SLC4A4: variants seen among roughly 807,000 people sequenced by gnomAD.
The protein encoded by SLC4A4 is solute carrier family 4 member 4.
Under a neutral mutation model 111.5 loss-of-function variants are expected in SLC4A4, and 27 were observed. That is an observed-to-expected ratio of 0.24 (90% CI 0.18 to 0.33). The LOEUF (loss-of-function observed/expected upper bound fraction) is 0.33, where lower values mean the gene tolerates loss of function less well. SLC4A4 is among the 10% of genes least tolerant of loss of function. SLC4A4 has a pLI of 1.00. For synonymous variants in SLC4A4, 443 were observed against 463.4 expected (o/e 0.96, Z 0.57); for missense variants, 909 against 1,315.5 (o/e 0.69, Z 4.78).
intron 1 of SLC4A4, among the ~76,000 whole-genome samples, chr4:71,234,978 G>A (rs1216265144): frequency 6.9e-6 from 1 of 144,216 alleles, no homozygotes; most frequent in Non-Finnish European, 1.6e-5. Flanking sequence ...GAAGCAGAAA[G>A]GAAGGAAATT....
chr4:71,074,021 A>C (rs2148931392), intron 1 of SLC4A4, among the ~76,000 whole-genome samples: 1 of 152,168 alleles, frequency 6.6e-6, no homozygotes. Context: ...GGAGAGCCAG[A>C]TGCTGTCTCA....
chr4:71,185,040 T>C (rs542074681), upstream of SLC4A4, among the ~76,000 whole-genome samples: 1 of 152,304 alleles, frequency 6.6e-6, no homozygotes, highest in East Asian at 1.9e-4. Context: ...ACCAACTTTA[T>C]GCTCCTTTTA....
chr4:71,536,950 G>T (rs559202407), intron 18 of SLC4A4, among the ~76,000 whole-genome samples: 1 of 151,276 alleles, frequency 6.6e-6, no homozygotes, highest in African/African-American at 2.4e-5. Context: ...ATGTATATAT[G>T]TGTGTATATA....
intron 1 of SLC4A4, chr4:71,233,254 T>G (rs1358251413): frequency 1.0e-6 from 1 of 984,846 alleles, no homozygotes; most frequent in African/African-American, 1.7e-5. Flanking sequence ...AATGAATGAA[T>G]GCAGGAAAGA....
intron 14 of SLC4A4, among the ~76,000 whole-genome samples, chr4:71,484,640 T>A (rs79550337): frequency 0.012 from 1,800 of 151,864 alleles, 40 homozygotes; most frequent in African/African-American, 0.039. Context: ...ATTTGGGCTC[T>A]TTTTTGTTTC....
intron 2 of SLC4A4, among the ~76,000 whole-genome samples, chr4:71,122,373 C>T (rs181925082): frequency 1.5e-4 from 23 of 150,746 alleles, no homozygotes; most frequent in Admixed American, 3.3e-4. Flanking sequence ...AGTGAGAGGG[C>T]GATCTTAAAA....
In SLC4A4 at chr4:71,450,619, G is replaced by A; in HGVS notation, c.1208+76G>A. On this transcript the variant is annotated intron_variant, in intron 10 of 25. Coordinates refer to ENST00000264485, the MANE Select transcript of SLC4A4 (RefSeq NM_001098484.3). The stretch of plus-strand genomic sequence containing the variant: ...GGAGGTTGTGTTAAAAAAAAAAAGT[G>A]AAGTCAACCTGTTGTTCTAATATTT... The A allele has an allele frequency of 6.8e-6, 9 of 1,315,802 alleles. No individual in the cohort carries two copies. In the South Asian group the frequency reaches 1.1e-4, roughly 17 times the overall value. 81.5% of individuals were successfully genotyped at this position (1,315,802 alleles called of 1,614,324 possible).
intron 2 of SLC4A4, among the ~76,000 whole-genome samples, chr4:71,181,033 C>T (rs182536261): frequency 2.3e-4 from 35 of 151,990 alleles, no homozygotes; most frequent in African/African-American, 8.0e-4. Context: ...TACTATGCAG[C>T]CATAAAAAAT....
At chr4:71,290,996 G>A (rs1372516408) in intron 3 of SLC4A4, among the ~76,000 whole-genome samples, 4 of 152,182 alleles carry the variant, frequency 2.6e-5, no homozygotes, top group Non-Finnish European at 4.4e-5. Context: ...CAATTTACAT[G>A]GAAGTGGAGG....
chr4:71,216,978 A>G (rs1220243388), intron 1 of SLC4A4, among the ~76,000 whole-genome samples: 1 of 152,142 alleles, frequency 6.6e-6, no homozygotes, highest in Non-Finnish European at 1.5e-5. Context: ...CATTTTTCAG[A>G]TGAGAAAATG....
intron 2 of SLC4A4, among the ~76,000 whole-genome samples, chr4:71,137,753 A>T (rs1743883492): frequency 6.6e-6 from 1 of 152,246 alleles, no homozygotes; most frequent in African/African-American, 2.4e-5. Flanking sequence ...GTGGAGCTGA[A>T]TAAAGCAGCT....
intron 16 of SLC4A4, 138 bp from the exon 17 acceptor site, chr4:71,531,923 TC>T (rs2149210157): frequency 1.5e-6 from 1 of 675,712 alleles, no homozygotes; most frequent in South Asian, 1.6e-5. Context: ...TTTTCTGCAC[TC>T]TGATACCTCC....
chr4:71,248,744 CCAGT>C (rs1420760359), intron 2 of SLC4A4, among the ~76,000 whole-genome samples: 1 of 152,116 alleles, frequency 6.6e-6, no homozygotes, highest in Non-Finnish European at 1.5e-5. Flanking sequence ...TTATAGAGTG[CCAGT>C]CAGTTTTTGC....
Position 71,274,442 on chromosome 4 carries a change from G to T in SLC4A4, c.253+19043G>T, listed in dbSNP as rs1028317313. ...TTCCCATTAAAAATGGTATAAACTA[G>T]GTACTGAGTTCATTCAGATAGAATT... On this transcript the variant is annotated intron_variant, in intron 3 of 25. Transcript: ENST00000264485. 3.3e-5 allele frequency among the ~76,000 whole-genome samples: 5 copies of T among 152,220 alleles called. No homozygotes were observed. In the South Asian group the frequency reaches 1.0e-3, roughly 32 times the overall value.
At chr4:71,538,562 A>C (rs1439338614) in intron 18 of SLC4A4, among the ~76,000 whole-genome samples, 2 of 152,154 alleles carry the variant, frequency 1.3e-5, no homozygotes, top group African/African-American at 4.8e-5. Flanking sequence ...GAATATGAAC[A>C]CTGGAGATTC....
chr4:71,461,934 G>A (rs1025500316), intron 12 of SLC4A4, among the ~76,000 whole-genome samples: 1 of 152,152 alleles, frequency 6.6e-6, no homozygotes, highest in African/African-American at 2.4e-5. Context: ...CTTAATGGCC[G>A]TAGTGTTGCC....
At chr4:71,271,112 T>C (rs1213397712) in intron 3 of SLC4A4, among the ~76,000 whole-genome samples, 1 of 152,198 alleles carries the variant, frequency 6.6e-6, no homozygotes, top group Non-Finnish European at 1.5e-5. Context: ...ATTATGTCTA[T>C]GTGGACACCT....
chr4:71,226,968 C>T (rs1719088119), intron 1 of SLC4A4, among the ~76,000 whole-genome samples: 1 of 152,050 alleles, frequency 6.6e-6, no homozygotes, highest in South Asian at 2.1e-4. Context: ...ACAGTATTTG[C>T]TCTCAAAGAG....
chr4:71,510,801 C>T (rs141323431), intron 16 of SLC4A4, among the ~76,000 whole-genome samples: 83 of 152,126 alleles, frequency 5.5e-4, no homozygotes, highest in Admixed American at 1.4e-3. Flanking sequence ...TTTCCTTCCT[C>T]TTTTGTTGTT....
Sources: gnomAD v4.1 joint callset for allele counts (sites outside exome capture counted in the v4.1 genomes callset) on GRCh38, gnomAD v4.1.1 for gene constraint, MANE v1.5 for transcripts, NCBI Gene and HGNC (gene_info 2026-07-23, HGNC 2026-07-21) for gene names.